BBX: variants seen among roughly 807,000 people sequenced by gnomAD.
BBX encodes the protein BBX high mobility group box domain containing.
BBX carries 30 observed loss-of-function variants against 100.2 expected under a neutral mutation model. That is an observed-to-expected ratio of 0.30 (90% CI 0.22 to 0.41). The LOEUF is 0.41. BBX is among the 10% of genes least tolerant of loss of function. The pLI is 1.00. For missense variants in BBX, 1,023 were observed against 1,129.8 expected (o/e 0.91, Z 1.35); for synonymous variants, 376 against 388.1 (o/e 0.97, Z 0.37).
intron 2 of BBX, among the ~76,000 whole-genome samples, chr3:107,583,333 G>C (rs1046266168): frequency 1.3e-5 from 2 of 151,996 alleles, no homozygotes; most frequent in Non-Finnish European, 2.9e-5. Context: ...TATATTATAA[G>C]TGAGGAAACA....
intron 4 of BBX, among the ~76,000 whole-genome samples, chr3:107,713,620 T>C (rs2061875853): frequency 6.6e-6 from 1 of 152,362 alleles, no homozygotes; most frequent in African/African-American, 2.4e-5. Flanking sequence ...CATTTTTCGA[T>C]GTTCATAGTT....
intron 2 of BBX, among the ~76,000 whole-genome samples, chr3:107,529,007 T>G (rs2047972822): frequency 6.6e-6 from 1 of 152,220 alleles, no homozygotes; most frequent in Non-Finnish European, 1.5e-5. Context: ...TGGTAAAGGC[T>G]TCACAGCTCT....
intron 2 of BBX, among the ~76,000 whole-genome samples, chr3:107,574,715 T>C (rs2051641930): frequency 6.6e-6 from 1 of 152,220 alleles, no homozygotes; most frequent in Non-Finnish European, 1.5e-5. Flanking sequence ...TTTTAAAAAA[T>C]GTAATTATGA....
intron 2 of BBX, among the ~76,000 whole-genome samples, chr3:107,559,751 G>A (rs755799828): frequency 9.2e-5 from 14 of 152,120 alleles, no homozygotes; most frequent in Non-Finnish European, 1.8e-4. Flanking sequence ...ATTCTGTTTT[G>A]TTTTTTCTTT....
chr3:107,571,153 T>C (rs768049326), intron 2 of BBX, among the ~76,000 whole-genome samples: 1 of 151,734 alleles, frequency 6.6e-6, no homozygotes, highest in Non-Finnish European at 1.5e-5. Context: ...AGGTTGCCCA[T>C]AGTGAAGGAG....
intron 3 of BBX, among the ~76,000 whole-genome samples, chr3:107,697,810 G>A (rs1302773992): frequency 6.6e-6 from 1 of 151,800 alleles, no homozygotes; most frequent in African/African-American, 2.4e-5. Flanking sequence ...CTGCCACCTT[G>A]CAGTTTGATC....
chr3:107,630,776 A>T (rs971753461), intron 2 of BBX, among the ~76,000 whole-genome samples: 2 of 152,178 alleles, frequency 1.3e-5, no homozygotes, highest in African/African-American at 2.4e-5. Context: ...GTACTTGAGG[A>T]TTAGCTTGCC....
rs539916057 is a variant in BBX at position 107,761,264 on chromosome 3, G to A, written c.906+5586G>A. Among the ~76,000 whole-genome samples, 3 of 152,242 alleles carry A rather than the reference G, an allele frequency of 2.0e-5. No individual in the cohort carries two copies. In the East Asian group the frequency reaches 5.8e-4, roughly 29 times the overall value. The stretch of plus-strand genomic sequence containing the variant: ...GAGGACTGTGTTTATGGAAGATGAA[G>A]GTAAAGTGTATCTGTGAGTCAGAAT... On this transcript the variant is annotated intron_variant, in intron 10 of 17. Transcript: ENST00000325805.
At chr3:107,554,474 T>G (rs1466901980) in intron 2 of BBX, among the ~76,000 whole-genome samples, 1 of 152,186 alleles carries the variant, frequency 6.6e-6, no homozygotes. Flanking sequence ...TTTATATGTA[T>G]CTAGCTCACA....
chr3:107,636,051 T>C (rs2056834238), intron 2 of BBX, among the ~76,000 whole-genome samples: 1 of 152,178 alleles, frequency 6.6e-6, no homozygotes, highest in African/African-American at 2.4e-5. Flanking sequence ...CTACTCTCTG[T>C]CTCCTCTCCC....
intron 2 of BBX, among the ~76,000 whole-genome samples, chr3:107,589,092 C>T (rs1367883356): frequency 1.3e-5 from 2 of 152,176 alleles, no homozygotes; most frequent in Non-Finnish European, 2.9e-5. Context: ...TTACACACCA[C>T]ATTAGAATCT....
rs1019195524 is a variant in BBX, at chr3:107,657,915, A to G, written c.-10+12006A>G. ...TCTTTGTTAAGGGAAGTCTAAAGGA[A>G]AGAAATCCAATCAGATCTGTGGTGG... On this transcript the variant is annotated intron_variant, in intron 3 of 17. Transcript: ENST00000325805. Among the ~76,000 whole-genome samples, 23 of 152,166 alleles carry G rather than the reference A, an allele frequency of 1.5e-4. 1 individual carries two copies. The highest frequency in any genetic ancestry group is 9.8e-4 in the Admixed American group (15 of 15,270).
At chr3:107,552,347 TA>T (rs76443530) in intron 2 of BBX, among the ~76,000 whole-genome samples, 3 of 45,966 alleles carry the variant, frequency 6.5e-5, no homozygotes, top group Non-Finnish European at 8.5e-5. Context: ...CCTGTTTCAT[TA>T]AAAAAAAAAA....
chr3:107,644,877 A>G (rs1219148856), intron 2 of BBX, among the ~76,000 whole-genome samples: 1 of 152,194 alleles, frequency 6.6e-6, no homozygotes, highest in Admixed American at 6.5e-5. Context: ...CAGATGAATC[A>G]TTACATATTT....
chr3:107,726,361 AATTG>A (rs2062934973), intron 5 of BBX, among the ~76,000 whole-genome samples: 1 of 151,782 alleles, frequency 6.6e-6, no homozygotes, highest in Non-Finnish European at 1.5e-5. Flanking sequence ...TTTTTACATG[AATTG>A]ATGGCATCTC....
At chr3:107,737,361 T>C (rs2063710027) in intron 7 of BBX, among the ~76,000 whole-genome samples, 1 of 151,240 alleles carries the variant, frequency 6.6e-6, no homozygotes, top group Non-Finnish European at 1.5e-5. Flanking sequence ...TTAGCAGAAA[T>C]TACCGTTGTA....
chr3:107,547,665 A>G (rs2049337265), intron 2 of BBX, among the ~76,000 whole-genome samples: 1 of 152,150 alleles, frequency 6.6e-6, no homozygotes, highest in Non-Finnish European at 1.5e-5. Flanking sequence ...ACTTTCAGAT[A>G]TCTCACTTTG....
chr3:107,654,273 A>G (rs1170941104), intron 3 of BBX, among the ~76,000 whole-genome samples: 1 of 152,194 alleles, frequency 6.6e-6, no homozygotes, highest in Admixed American at 6.5e-5. Context: ...AGTTCCTGTT[A>G]AAATGCTGGG....
chr3:107,632,344 C>T (rs2056600897), intron 2 of BBX, among the ~76,000 whole-genome samples: 1 of 152,264 alleles, frequency 6.6e-6, no homozygotes, highest in African/African-American at 2.4e-5. Context: ...CTTGGCCTCC[C>T]AAAGTGCTGG....
Sources: gnomAD v4.1 joint callset for allele counts (sites outside exome capture counted in the v4.1 genomes callset) on GRCh38, gnomAD v4.1.1 for gene constraint, MANE v1.5 for transcripts, NCBI Gene and HGNC (gene_info 2026-07-23, HGNC 2026-07-21) for gene names.